Variants in MARCHF7 observed in about 807,000 individuals in gnomAD.
The protein encoded by MARCHF7 is E3 ubiquitin-protein ligase MARCHF7.
In MARCHF7, 20 loss-of-function variants were observed where a neutral mutation model predicts 76.5. The ratio of observed to expected loss-of-function variants is 0.26; its 90% CI spans 0.18 to 0.38. MARCHF7 has a LOEUF of 0.38. Ranked by LOEUF, MARCHF7 falls within the 10% of genes least tolerant of loss-of-function variation. The probability of loss-of-function intolerance (pLI) is 1.00; values close to 1 mark genes in which losing one functional copy is unlikely to be tolerated. For synonymous variants in MARCHF7, 295 were observed against 293.0 expected (o/e 1.01, Z -0.07); for missense variants, 797 against 812.9 (o/e 0.98, Z 0.24).
At chr2:159,739,276 C>G (rs1379938731) in intron 4 of MARCHF7, among the ~76,000 whole-genome samples, 2 of 152,234 alleles carry the variant, frequency 1.3e-5, no homozygotes, top group Admixed American at 6.5e-5. Context: ...CCACGCCTCC[C>G]CTGCTGCAGC....
intron 4 of MARCHF7, among the ~76,000 whole-genome samples, chr2:159,729,638 A>T (rs1384739103): frequency 6.6e-6 from 1 of 151,254 alleles, no homozygotes; most frequent in African/African-American, 2.4e-5. Context: ...ATGAGACTGC[A>T]CTCCAGCCTG....
chr2:159,719,510 T>TTG (rs780441788), intron 3 of MARCHF7, among the ~76,000 whole-genome samples: 5 of 152,358 alleles, frequency 3.3e-5, no homozygotes, highest in Admixed American at 2.6e-4. Context: ...GAAGTATGTA[T>TTG]TGAATCTGAC....
intron 3 of MARCHF7, among the ~76,000 whole-genome samples, chr2:159,718,463 TG>T (rs1701279049): frequency 1.3e-5 from 2 of 152,168 alleles, no homozygotes; most frequent in South Asian, 4.1e-4. Flanking sequence ...TTATGACTAC[TG>T]TGTGACTCTT....
chr2:159,721,917 A>G (rs1267180578), intron 3 of MARCHF7, among the ~76,000 whole-genome samples: 1 of 152,210 alleles, frequency 6.6e-6, no homozygotes, highest in African/African-American at 2.4e-5. Flanking sequence ...TAAGTTTCTT[A>G]TCACCAAACA....
intron 8 of MARCHF7, among the ~76,000 whole-genome samples, chr2:159,754,496 A>T (rs1706047492): frequency 6.6e-6 from 1 of 152,180 alleles, no homozygotes; most frequent in African/African-American, 2.4e-5. Context: ...AGACAGCAAC[A>T]TAGGTTCGAT....
chr2:159,759,290 G>T lies in MARCHF7; in HGVS notation c.1848G>T (p.Glu616Asp). The T allele has an allele frequency of 6.2e-7, 1 of 1,612,422 alleles. No homozygotes were observed. Among genetic ancestry groups the T allele is most frequent in the East Asian group, 2.2e-5 (1 of 44,722 alleles). ...AAGAGAAGTTGGAGCTTAACCTGGA[G>T]GATTTTGATATTCATGAACTACATA... ...LCKEKLELNL[E>D]DFDIHELHRA... is the part of the protein sequence containing the mutation. Residue 616 changes from glutamate (E) to aspartate (D), a missense_variant, in exon 9 of 12, where the codon GAG becomes GAT. Around this residue, in one of 3 missense-constraint regions of MARCHF7, gnomAD observed 124 missense variants for 121.3 expected, o/e 1.02. Transcript: ENST00000409175.
chr2:159,734,015 C>T, intron 4 of MARCHF7: 1 of 1,350,920 alleles, frequency 7.4e-7, no homozygotes, highest in Non-Finnish European at 9.7e-7. Context: ...CTTCTGCTAT[C>T]CCATCTTTAA....
chr2:159,749,302 C>A (rs1158265464), intron 7 of MARCHF7, among the ~76,000 whole-genome samples: 1 of 151,676 alleles, frequency 6.6e-6, no homozygotes, highest in Non-Finnish European at 1.5e-5. Flanking sequence ...TCAAAATTGG[C>A]TTCTTATAAA....
intron 7 of MARCHF7, among the ~76,000 whole-genome samples, chr2:159,750,514 ACT>A (rs938522572): frequency 4.3e-4 from 65 of 152,152 alleles, no homozygotes; most frequent in African/African-American, 1.4e-3. Context: ...ACAGAGCAAG[ACT>A]CTGTCTCAAA....
In MARCHF7 at chr2:159,752,581, A is replaced by C. The variant is rs774061484; in HGVS notation, c.1783+10A>C. On this transcript the variant is annotated intron_variant, in intron 8 of 11. Transcript: ENST00000409175. ...GCCAAAATTAACTCTGGTAAGATTT[A>C]CCCTTTTGTGTTTTCACAATTTTTC... 1 of 1,478,426 alleles carries C rather than the reference A, an allele frequency of 6.8e-7. No homozygotes were observed. Among genetic ancestry groups the C allele is most frequent in the South Asian group, 1.4e-5 (1 of 71,648 alleles). The allele number at this position is 1,478,426 out of a possible 1,614,324, so 91.6% of individuals were successfully genotyped here.
intron 3 of MARCHF7, among the ~76,000 whole-genome samples, chr2:159,716,322 T>G (rs183710327): frequency 1.5e-3 from 226 of 152,070 alleles, no homozygotes; most frequent in African/African-American, 4.7e-3. Flanking sequence ...AAATAGTAAC[T>G]GCGTGTTTGT....
chr2:159,740,995 T>C (rs947779571), intron 4 of MARCHF7, among the ~76,000 whole-genome samples: 3 of 152,074 alleles, frequency 2.0e-5, no homozygotes, highest in Non-Finnish European at 2.9e-5. Context: ...TTGGGCAACA[T>C]AGTGGGACCC....
chr2:159,736,643 A>G (rs2125480533), intron 4 of MARCHF7, among the ~76,000 whole-genome samples: 2 of 152,324 alleles, frequency 1.3e-5, no homozygotes, highest in South Asian at 4.1e-4. Context: ...TCTGAAAGCA[A>G]ATATTGACTT....
At position 159,748,800 on chromosome 2, in the gene MARCHF7, G is replaced by C. The variant is rs1705217015; in HGVS notation, c.1510G>C (p.Val504Leu). The C allele has an allele frequency of 1.2e-6, 2 of 1,614,112 alleles. No individual in the cohort carries two copies. The highest frequency in any genetic ancestry group is 2.7e-5 in the African/African-American group (2 of 75,020). ...SNLTDNVMIT[V>L]DIIPSGWNSA... ...TTTGACCGACAATGTCATGATCACA[G>C]TAGATATTATTCCTTCAGGTTGGAA... Residue 504 changes from valine to leucine, a missense_variant, in exon 7 of 12, where the codon GTA (valine) becomes CTA (leucine). Around this residue, in one of 3 missense-constraint regions of MARCHF7, gnomAD observed 643 missense variants for 631.5 expected, o/e 1.02. Coordinates refer to ENST00000409175, the MANE Select transcript of MARCHF7 (RefSeq NM_001282805.2).
rs959197652 is a variant in MARCHF7, at chr2:159,715,770, AGTTGAACACCTG to A, written c.-15+8_-15+19del. The A allele has an allele frequency of 2.0e-5, 3 of 152,198 alleles. No individual in the cohort carries two copies. Among genetic ancestry groups the A allele is most frequent in the Admixed American group, 1.3e-4 (2 of 15,280 alleles). 9.4% of individuals were successfully genotyped at this position (152,198 alleles called of 1,614,324 possible). ...CTGACTCTACCGGTTAGACTAGGTAAGTTGAACACCTGGTTTTAAAATCACCTGCTGCTCTAC... is the reference window on the plus strand; with the variant it reads ...CTGACTCTACCGGTTAGACTAGGTAAGTTTTAAAATCACCTGCTGCTCTAC... On this transcript the variant is annotated splice_donor_5th_base_variant and intron_variant, in intron 3 of 11. Coordinates refer to ENST00000409175, the MANE Select transcript of MARCHF7 (RefSeq NM_001282805.2).
At chr2:159,724,105 C>G (rs568823930) in intron 3 of MARCHF7, among the ~76,000 whole-genome samples, 5 of 152,272 alleles carry the variant, frequency 3.3e-5, no homozygotes, top group Admixed American at 2.6e-4. Context: ...TTTGTTGAGA[C>G]CTTGCATGTC....
At position 159,768,961 on chromosome 2, in the gene MARCHF7, T is replaced by G. The variant is rs1048419527; in HGVS notation, c.*1619T>G. On this transcript the variant is annotated 3_prime_UTR_variant, in exon 12 of 12. Coordinates refer to ENST00000409175, the MANE Select transcript of MARCHF7 (RefSeq NM_001282805.2). The stretch of plus-strand genomic sequence containing the variant: ...TTTGTTATTAAATGCTAAATGACAG[T>G]GATAACAATGGCTTAAGCTTTACAG... The G allele has an allele frequency of 6.6e-6, 1 of 152,222 alleles. No homozygotes were observed. Among genetic ancestry groups the G allele is most frequent in the African/African-American group, 2.4e-5 (1 of 41,458 alleles). 9.4% of individuals were successfully genotyped at this position (152,222 alleles called of 1,614,324 possible).
rs145098508 is a variant in MARCHF7, at chr2:159,751,810, C to T, written c.1614-592C>T. On this transcript the variant is annotated intron_variant, in intron 7 of 11. Transcript: ENST00000409175. ...AATGGAATCTTTTATAAGATTGCTG[C>T]GCCGAGGGGGCAGATGGAGAATTTT... 2.0e-3 allele frequency among the ~76,000 whole-genome samples: 298 copies of T among 152,212 alleles called. 1 individual carries two copies. The highest frequency in any genetic ancestry group is 5.8e-3 in the African/African-American group (242 of 41,526).
chr2:159,754,896 A>G (rs1706099774), intron 8 of MARCHF7, among the ~76,000 whole-genome samples: 1 of 152,206 alleles, frequency 6.6e-6, no homozygotes. Context: ...TAACATTTTA[A>G]GGATGTGGAT....
Sources: gnomAD v4.1 joint callset for allele counts (sites outside exome capture counted in the v4.1 genomes callset) on GRCh38, gnomAD v4.1.1 for gene constraint, gnomAD v4.1.1 regional missense constraint, MANE v1.5 for transcripts, NCBI Gene and HGNC (gene_info 2026-07-23, HGNC 2026-07-21) for gene names.